GLMN: variants seen among roughly 807,000 people sequenced by gnomAD.
The protein encoded by GLMN is glomulin, FKBP associated protein.
GLMN carries 75 observed loss-of-function variants against 87.8 expected under a neutral mutation model. That is an observed-to-expected ratio of 0.85 (90% CI 0.71 to 1.04). The LOEUF is 1.04. GLMN is among the 50% of genes least tolerant of loss of function. The pLI, the probability that GLMN is intolerant of heterozygous loss-of-function variation, is 0.00. For synonymous variants in GLMN, 206 were observed against 221.6 expected, an observed-to-expected ratio of 0.93 and a Z score of 0.63; for missense variants, 588 against 658.8, an observed-to-expected ratio of 0.89 and a Z score of 1.18.
At chr1:92,266,970 C>T (rs948129224) in intron 11 of GLMN, among the ~76,000 whole-genome samples, 6 of 152,028 alleles carry the variant, frequency 3.9e-5, no homozygotes, top group Middle Eastern at 3.4e-3. Flanking sequence ...TAAAAGCAAA[C>T]GATAATTTTC....
At chr1:92,328,833 G>T in the GLMN span, among the ~76,000 whole-genome samples, 9 of 152,322 alleles carry the variant, frequency 5.9e-5, no homozygotes, top group East Asian at 3.9e-4. Context: ...GTCCCACAGG[G>T]TGCTCCCTTG....
chr1:92,270,639 T>C (rs952654357), intron 8 of GLMN, among the ~76,000 whole-genome samples: 6 of 152,138 alleles, frequency 3.9e-5, no homozygotes, highest in African/African-American at 7.2e-5. Context: ...CTTATTATCA[T>C]AGAACTCAAA....
At chr1:92,270,552 T>C (rs1557536557) in intron 8 of GLMN, among the ~76,000 whole-genome samples, 2 of 152,210 alleles carry the variant, frequency 1.3e-5, no homozygotes, top group Non-Finnish European at 2.9e-5. Flanking sequence ...TACATACGAA[T>C]GTACTCCTAG....
chr1:92,272,724 C>T (rs4658299), intron 7 of GLMN, among the ~76,000 whole-genome samples: 39,513 of 151,998 alleles, frequency 0.26, 6,526 homozygotes, highest in Non-Finnish European at 0.35. Flanking sequence ...TCATGTGAGA[C>T]GAGAAAGAGA....
intron 16 of GLMN, among the ~76,000 whole-genome samples, chr1:92,261,888 C>T (rs187410237): frequency 6.8e-6 from 1 of 146,248 alleles, no homozygotes; most frequent in Non-Finnish European, 1.5e-5. Flanking sequence ...ATCATAGACT[C>T]TAGGTGGTGG....
chr1:92,298,425 A>C (rs902398986), intron 1 of GLMN, among the ~76,000 whole-genome samples: 8 of 152,320 alleles, frequency 5.3e-5, no homozygotes, highest in African/African-American at 1.9e-4. Flanking sequence ...AAAATTTCCA[A>C]AAGGTGGACC....
At chr1:92,303,157 A>G (rs1431453533), upstream of GLMN, among the ~76,000 whole-genome samples, 1 of 152,246 alleles carries the variant, frequency 6.6e-6, no homozygotes, top group Non-Finnish European at 1.5e-5. Flanking sequence ...CTTCTATTAC[A>G]AAAACACTTC....
At chr1:92,258,103 G>T (rs1199524040) in intron 16 of GLMN, among the ~76,000 whole-genome samples, 1 of 152,106 alleles carries the variant, frequency 6.6e-6, no homozygotes, top group African/African-American at 2.4e-5. Context: ...CAAAGGATAT[G>T]AACAGACACT....
At chr1:92,353,582 T>A in the GLMN span, among the ~76,000 whole-genome samples, 1 of 152,222 alleles carries the variant, frequency 6.6e-6, no homozygotes, top group East Asian at 1.9e-4. Context: ...GAACAGTAGC[T>A]ACTGGTATTC....
At chr1:92,262,560 T>C (rs1655171537) in intron 16 of GLMN, among the ~76,000 whole-genome samples, 1 of 152,168 alleles carries the variant, frequency 6.6e-6, no homozygotes, top group Admixed American at 6.5e-5. Flanking sequence ...CAAGACACCA[T>C]ATGTACGTTG....
chr1:92,361,936 T>A, the GLMN span, among the ~76,000 whole-genome samples: 1 of 152,194 alleles, frequency 6.6e-6, no homozygotes, highest in Admixed American at 6.5e-5. Context: ...TTTTAGTTAT[T>A]TATCTGATGC....
chr1:92,370,517 C>T, the GLMN span, among the ~76,000 whole-genome samples: 23 of 152,102 alleles, frequency 1.5e-4, no homozygotes, highest in Non-Finnish European at 2.8e-4. Flanking sequence ...CTGCAAGAGA[C>T]ATTTAGATTA....
the GLMN span, among the ~76,000 whole-genome samples, chr1:92,350,492 A>G: frequency 1.3e-5 from 2 of 152,182 alleles, no homozygotes; most frequent in African/African-American, 4.8e-5. Context: ...TTACTCTTAG[A>G]TCTGATTTTG....
At chr1:92,330,970 T>G in the GLMN span, among the ~76,000 whole-genome samples, 1 of 152,298 alleles carries the variant, frequency 6.6e-6, no homozygotes, top group East Asian at 1.9e-4. Flanking sequence ...AGCATGCACA[T>G]TAACATTTGA....
At chr1:92,276,220 T>C (rs1397835205) in intron 7 of GLMN, among the ~76,000 whole-genome samples, 1 of 152,036 alleles carries the variant, frequency 6.6e-6, no homozygotes, top group Non-Finnish European at 1.5e-5. Flanking sequence ...AGCAAGACCC[T>C]ATCTCAAAAA....
chr1:92,304,003 C>T, the GLMN span: 9 of 1,612,240 alleles, frequency 5.6e-6, no homozygotes, highest in African/African-American at 5.3e-5. Context: ...CTGCTCACTA[C>T]AGTGATGTCG....
At chr1:92,326,832 A>C in the GLMN span, among the ~76,000 whole-genome samples, 4 of 152,232 alleles carry the variant, frequency 2.6e-5, no homozygotes, top group African/African-American at 4.8e-5. Context: ...GTTTGTTTAC[A>C]GGCAGTGGGC....
chr1:92,327,194 T>G, the GLMN span, among the ~76,000 whole-genome samples: 1 of 152,238 alleles, frequency 6.6e-6, no homozygotes, highest in African/African-American at 2.4e-5. Context: ...TTAGATTTCA[T>G]TGTTGACCTA....
intron 16 of GLMN, among the ~76,000 whole-genome samples, chr1:92,259,732 C>CTTTTTTTTTTTTTTTTTTTT (rs58390058): frequency 1.8e-5 from 2 of 108,192 alleles, no homozygotes; most frequent in Non-Finnish European, 3.7e-5. Flanking sequence ...TTTTTTCTTT[C>CTTTTTTTTTTTTTTTTTTTT]TTTTTTTTTT....
Sources: allele counts gnomAD v4.1 joint callset (sites outside exome capture counted in the v4.1 genomes callset), GRCh38; gene constraint gnomAD v4.1.1; transcripts MANE v1.5; gene names NCBI Gene and HGNC (gene_info 2026-07-23, HGNC 2026-07-21).